The following PLCH1 variants were observed in gnomAD, a reference collection of about 807,000 sequenced individuals.
PLCH1 encodes 1-phosphatidylinositol 4,5-bisphosphate phosphodiesterase eta-1.
Under a neutral mutation model 126.7 loss-of-function variants are expected in PLCH1, and 60 were observed. That is an observed-to-expected ratio of 0.47 (90% CI 0.38 to 0.59). The LOEUF is 0.59. PLCH1 is among the 20% of genes least tolerant of loss of function. PLCH1 has a pLI of 0.00. For missense variants in PLCH1, 1,723 were observed against 2,040.0 expected (o/e 0.84, Z 2.99); for synonymous variants, 719 against 734.9 (o/e 0.98, Z 0.35).
intron 2 of PLCH1, among the ~76,000 whole-genome samples, chr3:155,665,161 G>C (rs969291472): frequency 6.6e-6 from 1 of 152,042 alleles, no homozygotes; most frequent in Non-Finnish European, 1.5e-5. Context: ...GTAACATGTT[G>C]ACAACAGCAG....
chr3:155,601,609 C>T (rs767286403), intron 2 of PLCH1, among the ~76,000 whole-genome samples: 19 of 152,018 alleles, frequency 1.2e-4, no homozygotes, highest in Non-Finnish European at 2.8e-4. Context: ...TGTATGACAT[C>T]TAAGAAGGTT....
chr3:155,452,796 T>A (rs190941324), intron 21 of PLCH1, among the ~76,000 whole-genome samples: 3 of 152,270 alleles, frequency 2.0e-5, no homozygotes, highest in South Asian at 2.1e-4. Flanking sequence ...AAGTGCCACA[T>A]AAATGACCTC....
intron 2 of PLCH1, among the ~76,000 whole-genome samples, chr3:155,696,377 T>G (rs1323375688): frequency 6.6e-6 from 1 of 152,152 alleles, no homozygotes; most frequent in Non-Finnish European, 1.5e-5. Context: ...ACACAATCAC[T>G]AATTATTACT....
intron 2 of PLCH1, among the ~76,000 whole-genome samples, chr3:155,670,181 CA>C (rs1743264943): frequency 6.6e-6 from 1 of 152,098 alleles, no homozygotes; most frequent in African/African-American, 2.4e-5. Context: ...ATGATGAGCT[CA>C]GACATAAAGA....
chr3:155,496,512 G>A (rs922009032), intron 15 of PLCH1, among the ~76,000 whole-genome samples: 12 of 152,136 alleles, frequency 7.9e-5, no homozygotes, highest in Non-Finnish European at 1.6e-4. Context: ...TTTGTGGAGT[G>A]GGGGCTGGGC....
intron 2 of PLCH1, among the ~76,000 whole-genome samples, chr3:155,660,368 A>T (rs1435110339): frequency 2.0e-5 from 3 of 152,230 alleles, no homozygotes; most frequent in African/African-American, 7.2e-5. Context: ...CACTGAAGGC[A>T]TTTGAAATTG....
Position 155,554,085 on chromosome 3 carries a change from A to G in PLCH1, c.1181T>C (p.Val394Ala). ...VVETINKHAFVKNEFPVILSI... is the reference protein window; with the variant it reads ...VVETINKHAFAKNEFPVILSI... ...GTGCTGCTTTACTTACTCATTCTTC[A>G]CAAAGGCATGCTTGTTGATGGTCTC... The change falls in exon 9 of 23, where the codon GTG (valine) becomes GCG (alanine). Residue 394 changes from valine (V) to alanine (A), a missense_variant. This residue lies in a region of PLCH1 where 776 missense variants were observed against 1,062.9 expected (regional missense o/e 0.73). Transcript: ENST00000460012. The G allele has an allele frequency of 3.1e-6, 5 of 1,613,894 alleles. No individual in the cohort carries two copies. The highest frequency in any genetic ancestry group is 4.2e-6 in the Non-Finnish European group (5 of 1,179,868).
intron 2 of PLCH1, among the ~76,000 whole-genome samples, chr3:155,597,243 T>C (rs548691021): frequency 6.6e-6 from 1 of 152,190 alleles, no homozygotes; most frequent in Non-Finnish European, 1.5e-5. Flanking sequence ...CAAATCTGAC[T>C]CCCTCCCAAG....
At position 155,644,020 on chromosome 3, in the gene PLCH1, T is replaced by C. The variant is rs947702597; in HGVS notation, c.80-47642A>G. 4.1e-4 allele frequency among the ~76,000 whole-genome samples: 63 copies of C among 152,148 alleles called. 1 individual carries two copies. Among genetic ancestry groups the C allele is most frequent in the African/African-American group, 1.5e-3 (63 of 41,434 alleles). ...AAAAGAAAAGCAACTTGAGGTCACA[T>C]CCTGAATTAATTTCTGTGGCTGGAT... On this transcript the variant is annotated intron_variant, in intron 2 of 22. Transcript: ENST00000460012.
chr3:155,477,057 A>G (rs1186579125), downstream of PLCH1, among the ~76,000 whole-genome samples: 3 of 152,184 alleles, frequency 2.0e-5, no homozygotes, highest in Non-Finnish European at 4.4e-5. Context: ...ACAGACACAC[A>G]GATCAATGGA....
intron 21 of PLCH1, among the ~76,000 whole-genome samples, chr3:155,486,512 T>A (rs1219841507): frequency 7.2e-6 from 1 of 139,702 alleles, no homozygotes; most frequent in Non-Finnish European, 1.5e-5. Context: ...GGCTCAAGTT[T>A]GTTTTTTTTT....
chr3:155,598,045 G>A (rs566618247), intron 2 of PLCH1, among the ~76,000 whole-genome samples: 2 of 152,024 alleles, frequency 1.3e-5, no homozygotes, highest in East Asian at 1.9e-4. Flanking sequence ...TTAGCCAGGC[G>A]TGGTGGCAGG....
intron 10 of PLCH1, among the ~76,000 whole-genome samples, chr3:155,525,337 GGCTC>G (rs1451657260): frequency 6.6e-6 from 1 of 152,000 alleles, no homozygotes; most frequent in Non-Finnish European, 1.5e-5. Flanking sequence ...AAGTCATGAG[GGCTC>G]CAACGAGCTC....
chr3:155,684,076 A>AT (rs779223002), intron 2 of PLCH1, among the ~76,000 whole-genome samples: 2 of 152,180 alleles, frequency 1.3e-5, no homozygotes, highest in Admixed American at 6.5e-5. Context: ...AAGGTAAATG[A>AT]TATTATCTGC....
chr3:155,545,164 G>A (rs1725050953), intron 10 of PLCH1, among the ~76,000 whole-genome samples: 1 of 151,878 alleles, frequency 6.6e-6, no homozygotes, highest in Non-Finnish European at 1.5e-5. Flanking sequence ...GAAGAAAAGA[G>A]AGAAGAATCA....
chr3:155,743,311 C>T (rs1438011938), intron 1 of PLCH1: 5 of 433,814 alleles, frequency 1.2e-5, no homozygotes. Context: ...GTGGGTGGAT[C>T]ACCTGAGGTC....
intron 1 of PLCH1, among the ~76,000 whole-genome samples, chr3:155,730,868 G>A (rs187597650): frequency 1.1e-4 from 16 of 152,226 alleles, no homozygotes; most frequent in Non-Finnish European, 1.6e-4. Context: ...CTGCTTGGGG[G>A]AAGAAGATGG....
intron 2 of PLCH1, among the ~76,000 whole-genome samples, chr3:155,636,746 C>CAAA (rs113079414): frequency 0.019 from 2,693 of 139,744 alleles, 32 homozygotes; most frequent in South Asian, 0.027. Context: ...AACTCCATCT[C>CAAA]AAAAAAAAAA....
intron 1 of PLCH1, chr3:155,742,987 C>A: frequency 4.2e-6 from 1 of 237,342 alleles, no homozygotes. Context: ...ACACTTTATC[C>A]CAAGAAGAAT....
Sources: gnomAD v4.1 joint callset for allele counts (sites outside exome capture counted in the v4.1 genomes callset) on GRCh38, gnomAD v4.1.1 for gene constraint, gnomAD v4.1.1 regional missense constraint, MANE v1.5 for transcripts, NCBI Gene and HGNC (gene_info 2026-07-23, HGNC 2026-07-21) for gene names.